The following PTPN9 variants were observed in gnomAD, a reference collection of about 807,000 sequenced individuals.
PTPN9 encodes protein tyrosine phosphatase non-receptor type 9, also known as tyrosine-protein phosphatase non-receptor type 9.
A neutral mutation model predicts 69.8 loss-of-function variants in PTPN9; 26 were observed. The observed-to-expected ratio is 0.37, with a 90% confidence interval of 0.27 to 0.52. The LOEUF (loss-of-function observed/expected upper bound fraction) is 0.52, where lower values mean the gene tolerates loss of function less well. Ranked by LOEUF, PTPN9 falls within the 20% of genes least tolerant of loss-of-function variation. The pLI is 0.91. For missense variants in PTPN9, 549 were observed against 740.3 expected (o/e 0.74, Z 3.00); for synonymous variants, 274 against 272.5 (o/e 1.01, Z -0.05).
At chr15:75,564,004 G>A (rs913572940) in intron 1 of PTPN9, among the ~76,000 whole-genome samples, 2 of 151,688 alleles carry the variant, frequency 1.3e-5, no homozygotes, top group African/African-American at 4.8e-5. Context: ...ACACTTCAGG[G>A]CAACACTCAG....
chr15:75,573,635 C>T (rs1025737394), intron 1 of PTPN9, among the ~76,000 whole-genome samples: 1 of 152,134 alleles, frequency 6.6e-6, no homozygotes, highest in African/African-American at 2.4e-5. Context: ...GATGATGCTG[C>T]CTGTATACAA....
intron 9 of PTPN9, among the ~76,000 whole-genome samples, chr15:75,477,446 T>G (rs1043949793): frequency 6.6e-6 from 1 of 151,928 alleles, no homozygotes; most frequent in African/African-American, 2.4e-5. Context: ...AATACAAAAA[T>G]TAGCCAGGCA....
intron 2 of PTPN9, among the ~76,000 whole-genome samples, chr15:75,525,111 C>G: frequency 6.6e-6 from 1 of 152,040 alleles, no homozygotes; most frequent in Non-Finnish European, 1.5e-5. Context: ...TAGGCCTCTC[C>G]TATGTTTAAA....
chr15:75,490,353 T>G, intron 7 of PTPN9, 52 bp from the exon 8 acceptor site: 1 of 1,318,168 alleles, frequency 7.6e-7, no homozygotes, highest in Non-Finnish European at 1.1e-6. Context: ...GGGGACAGTA[T>G]GTATGTACAA....
At chr15:75,511,870 A>AT (rs11322621) in intron 5 of PTPN9, among the ~76,000 whole-genome samples, 38 of 145,170 alleles carry the variant, frequency 2.6e-4, no homozygotes, top group Middle Eastern at 3.5e-3. Context: ...TCACTTTAAT[A>AT]TTTTTTTTTT....
At chr15:75,504,502 G>C (rs1482888844) in intron 7 of PTPN9, among the ~76,000 whole-genome samples, 2 of 140,330 alleles carry the variant, frequency 1.4e-5, no homozygotes, top group African/African-American at 2.7e-5. Context: ...CCCACGTCCG[G>C]GAGGGAGGTG....
At chr15:75,563,013 TAC>T (rs1403498164) in intron 1 of PTPN9, among the ~76,000 whole-genome samples, 1 of 152,076 alleles carries the variant, frequency 6.6e-6, no homozygotes, top group East Asian at 1.9e-4. Context: ...GGGTTTGGTG[TAC>T]AGATTATTTT....
chr15:75,510,670 G>A (rs950508775), intron 5 of PTPN9, among the ~76,000 whole-genome samples: 8 of 148,562 alleles, frequency 5.4e-5, no homozygotes, highest in Non-Finnish European at 1.2e-4. Context: ...CTGTACCACC[G>A]ATTCCACCAA....
At chr15:75,548,652 ATTTT>A (rs540489248) in intron 1 of PTPN9, among the ~76,000 whole-genome samples, 2 of 133,902 alleles carry the variant, frequency 1.5e-5, no homozygotes, top group African/African-American at 2.8e-5. Flanking sequence ...ACAAGGGGAA[ATTTT>A]TTTTTTTTTT....
At chr15:75,544,811 T>A (rs960271104) in intron 1 of PTPN9, among the ~76,000 whole-genome samples, 4 of 150,040 alleles carry the variant, frequency 2.7e-5, no homozygotes, top group African/African-American at 9.8e-5. Flanking sequence ...TTTGGTAACA[T>A]TTTTTTTTTC....
chr15:75,469,935 G>A lies in PTPN9; in HGVS notation c.1424C>T (p.Ser475Phe). The stretch of plus-strand genomic sequence containing the variant: ...GAAGTCAATGAGGGAAGCTGCTGAG[G>A]AAGGGACACCATAGTCTGGCCAGCT... ...FLSWPDYGVP[S>F]SAASLIDFLR... Residue 475 changes from serine (S) to phenylalanine (F), a missense_variant, in exon 12 of 13, where the codon TCC (serine) becomes TTC (phenylalanine). Around this residue, in one of 3 missense-constraint regions of PTPN9, gnomAD observed 457 missense variants for 661.9 expected, o/e 0.69. Transcript: ENST00000618819. 1 of 1,614,184 alleles carries A rather than the reference G, an allele frequency of 6.2e-7. No individual in the cohort carries two copies. The highest frequency in any genetic ancestry group is 8.5e-7 in the Non-Finnish European group (1 of 1,180,004).
Sources: allele counts gnomAD v4.1 joint callset (sites outside exome capture counted in the v4.1 genomes callset), GRCh38; gene constraint gnomAD v4.1.1; regional missense constraint gnomAD v4.1.1; transcripts MANE v1.5; gene names NCBI Gene and HGNC (gene_info 2026-07-23, HGNC 2026-07-21).